STK11IP: variants seen among roughly 807,000 people sequenced by gnomAD.
STK11IP encodes the protein serine/threonine-protein kinase 11-interacting protein.
A neutral mutation model predicts 131.7 loss-of-function variants in STK11IP; 103 were observed. The ratio of observed to expected loss-of-function variants is 0.78; its 90% CI spans 0.67 to 0.92. The LOEUF (loss-of-function observed/expected upper bound fraction) is 0.92. STK11IP is among the 40% of genes least tolerant of loss of function. STK11IP has a pLI of 0.00. For synonymous variants in STK11IP, 557 were observed against 575.6 expected (o/e 0.97, Z 0.46); for missense variants, 1,315 against 1,385.7 (o/e 0.95, Z 0.81).
At chr2:219,600,597 C>T (rs1241125656) in intron 2 of STK11IP, among the ~76,000 whole-genome samples, 2 of 152,108 alleles carry the variant, frequency 1.3e-5, no homozygotes, top group South Asian at 4.1e-4. Flanking sequence ...GTGATGAATA[C>T]CAGAGTGATC....
At position 219,609,192 on chromosome 2, in the gene STK11IP, T is replaced by C. The variant is rs1259894976; in HGVS notation, c.1905T>C (p.Pro635=). Residue 635 remains proline (P), a synonymous_variant, in exon 16 of 25, where the codon CCT becomes CCC. Coordinates refer to ENST00000456909, the MANE Select transcript of STK11IP (RefSeq NM_052902.4). ...TGCGTCGCTATTTGGTGCTGGAGCC[T>C]GATGCCCACGCAGCTGTCCAGGTGA... The part of the protein sequence containing the change: ...RQLRRYLVLE[P]DAHAAVQELL... The C allele has an allele frequency of 6.2e-7, 1 of 1,606,662 alleles. No homozygotes were observed.
In STK11IP at chr2:219,597,857, A is replaced by G. The variant is rs1574607379; in HGVS notation, c.-93A>G. 1 of 1,566,542 alleles carries G rather than the reference A, an allele frequency of 6.4e-7. No individual in the cohort carries two copies. Among genetic ancestry groups the G allele is most frequent in the Non-Finnish European group, 8.7e-7 (1 of 1,150,672 alleles). ...TGGCTCGATTTTCTTCCGGGGCGGGACTTCCTTTCCATCATTGATAGGCGC... is the reference window on the plus strand; with the variant it reads ...TGGCTCGATTTTCTTCCGGGGCGGGGCTTCCTTTCCATCATTGATAGGCGC... On this transcript the variant is annotated 5_prime_UTR_variant, in exon 1 of 25. Coordinates refer to ENST00000456909, the MANE Select transcript of STK11IP (RefSeq NM_052902.4).
At position 219,612,945 on chromosome 2, in the gene STK11IP, G is replaced by T. The variant is rs2106165362; in HGVS notation, c.2440-183G>T. On this transcript the variant is annotated intron_variant, in intron 19 of 24. Transcript: ENST00000456909. Reference sequence around the variant, plus strand: ...CTGCTGAGGCTCTGAGCGGGCAGGGGCTGCAAGGCAGAGAGCGGTGGTGGA... The same window carrying T: ...CTGCTGAGGCTCTGAGCGGGCAGGGTCTGCAAGGCAGAGAGCGGTGGTGGA... The T allele has an allele frequency of 5.2e-6, 3 of 580,494 alleles. 1 individual carries two copies. Among genetic ancestry groups the T allele is most frequent in the South Asian group, 3.8e-5 (2 of 52,058 alleles). The allele number at this position is 580,494 out of a possible 1,614,324, so 36.0% of individuals were successfully genotyped here. A position where few individuals can be genotyped will look rare whatever the true frequency, so the allele number is the denominator to read the frequency against.
Position 219,607,056 on chromosome 2 carries a change from C to T in STK11IP, c.1138C>T (p.Arg380Ter), listed in dbSNP as rs748040290. ...TTCTTCCCTCCACCAACCTCAGAGC[C>T]GAGTCCGTGTGAGGCGGGCAAGCAT... ...TQPLLHKVKS[R>*]VRVRRASISE... The change falls in exon 13 of 25, where the codon CGA (arginine) becomes TGA (stop). Residue 380 changes from arginine (R) to a stop codon, truncating the protein, a stop_gained. Transcript: ENST00000456909. LOFTEE classifies it high-confidence loss of function. 4.3e-6 allele frequency: 7 copies of T among 1,613,862 alleles called. No individual in the cohort carries two copies. Among genetic ancestry groups the T allele is most frequent in the South Asian group, 1.1e-5 (1 of 91,080 alleles).
In STK11IP at chr2:219,611,835, G is replaced by A. The variant is rs775844542; in HGVS notation, c.2335+1G>A. 5 of 1,609,178 alleles carry A rather than the reference G, an allele frequency of 3.1e-6. No homozygotes were observed. Among genetic ancestry groups the A allele is most frequent in the East Asian group, 4.5e-5 (2 of 44,710 alleles). ...CATGGTAGTTGGAGCCTCAGTCCCC[G>A]TGAGTATAGGCAAAACAAGACATAG... On this transcript the variant is annotated splice_donor_variant, in intron 18 of 24. Transcript: ENST00000456909. LOFTEE classifies it high-confidence loss of function.
intron 7 of STK11IP, among the ~76,000 whole-genome samples, chr2:219,603,149 C>T (rs2106149513): frequency 6.8e-6 from 1 of 146,708 alleles, no homozygotes; most frequent in East Asian, 2.2e-4. Context: ...TCAAGCAATT[C>T]TCCTGCTTCA....
intron 24 of STK11IP, 21 bp downstream of exon 24, chr2:219,615,362 T>TGA (rs755636443): frequency 6.3e-7 from 1 of 1,584,862 alleles, no homozygotes; most frequent in South Asian, 1.1e-5. Flanking sequence ...GTATCTCCAG[T>TGA]GAGAGGGAGG....
chr2:219,606,145 G>C (rs1383094534), intron 9 of STK11IP, 50 bp from the exon 10 acceptor site: 19 of 1,543,310 alleles, frequency 1.2e-5, no homozygotes, highest in Non-Finnish European at 1.7e-5. Context: ...CTTCACACAG[G>C]GAGGGCCAGG....
In STK11IP at chr2:219,609,502, A is replaced by G. The variant is rs775596234; in HGVS notation, c.2066A>G (p.Asp689Gly). Residue 689 changes from aspartate (D) to glycine (G), a missense_variant, in exon 17 of 25, where the codon GAC becomes GGC. Transcript: ENST00000456909. Reference sequence around the variant, plus strand: ...CCAGAGGAGCCCAGGATGGGATTAGACAGTGAGGAAGGCTGGAGGCCTCTG... The same window carrying G: ...CCAGAGGAGCCCAGGATGGGATTAGGCAGTGAGGAAGGCTGGAGGCCTCTG... ...FKPEEPRMGL[D>G]SEEGWRPLFQ... 6.3e-7 allele frequency: 1 copy of G among 1,592,462 alleles called. No individual in the cohort carries two copies.
chr2:219,606,018 C>A lies in STK11IP; in HGVS notation c.808C>A (p.Arg270=). The A allele has an allele frequency of 6.2e-7, 1 of 1,608,832 alleles. No individual in the cohort carries two copies. The highest frequency in any genetic ancestry group is 8.5e-7 in the Non-Finnish European group (1 of 1,177,748). ...DLAYNLLEGH[R]ELSPLWLLAE... ...GGCATACAACCTGCTGGAAGGACAC[C>A]GGGAGCTGTCACCACTGTGGCTGCT... The change falls in exon 9 of 25, where the codon CGG becomes AGG. Residue 270 remains arginine, a synonymous_variant. Transcript: ENST00000456909.
chr2:219,615,132 T>TC lies in STK11IP; in HGVS notation c.2910dup (p.Thr971HisfsTer7). On this transcript the variant is annotated frameshift_variant, in exon 24 of 25. Coordinates refer to ENST00000456909, the MANE Select transcript of STK11IP (RefSeq NM_052902.4). LOFTEE classifies it high-confidence loss of function. ...CCTCGTATCCCTGTTGCTGACTCCG[T>TC]CCACCCTGTTCCTGTTAGATGAGGA... 6.2e-7 allele frequency: 1 copy of TC among 1,609,104 alleles called. No individual in the cohort carries two copies. Among genetic ancestry groups the TC allele is most frequent in the Non-Finnish European group, 8.5e-7 (1 of 1,178,988 alleles).
At position 219,611,587 on chromosome 2, in the gene STK11IP, G is replaced by A. The variant is rs1466756031; in HGVS notation, c.2105-17G>A. ...TGTGGGGGGGGCTCATGGGGACCGT[G>A]TCCATCCTCCCTCCAGAATCTCCTG... On this transcript the variant is annotated splice_polypyrimidine_tract_variant and intron_variant, in intron 17 of 24. Coordinates refer to ENST00000456909, the MANE Select transcript of STK11IP (RefSeq NM_052902.4). The A allele has an allele frequency of 4.4e-6, 7 of 1,600,388 alleles. No homozygotes were observed. The highest frequency in any genetic ancestry group is 6.0e-6 in the Non-Finnish European group (7 of 1,168,856).
At position 219,616,233 on chromosome 2, in the gene STK11IP, G is replaced by T; in HGVS notation, c.*40G>T. On this transcript the variant is annotated 3_prime_UTR_variant, in exon 25 of 25. Coordinates refer to ENST00000456909, the MANE Select transcript of STK11IP (RefSeq NM_052902.4). ...CCTTGGCCCTGACCTCAGGAGCCACGCTGTAGACATTCCCTCTCCTGGTCT... is the reference window on the plus strand; with the variant it reads ...CCTTGGCCCTGACCTCAGGAGCCACTCTGTAGACATTCCCTCTCCTGGTCT... 6.3e-7 allele frequency: 1 copy of T among 1,587,698 alleles called. No homozygotes were observed.
intron 19 of STK11IP, among the ~76,000 whole-genome samples, chr2:219,612,779 C>T (rs1412251844): frequency 2.0e-5 from 3 of 152,132 alleles, no homozygotes; most frequent in African/African-American, 7.2e-5. Context: ...CCTGTGTCTG[C>T]CAAGGAGTTT....
In STK11IP at chr2:219,615,994, C is replaced by G. The variant is rs762459829; in HGVS notation, c.3118-50C>G. 7 of 1,600,150 alleles carry G rather than the reference C, an allele frequency of 4.4e-6. 1 individual carries two copies. The highest frequency in any genetic ancestry group is 6.0e-6 in the Non-Finnish European group (7 of 1,172,600). ...TCGCAGAGACCTCCCTTGTACCCAC[C>G]CTGGTGTGGTCCCCATGAGCCTCGC... On this transcript the variant is annotated intron_variant, in intron 24 of 24. Transcript: ENST00000456909.
rs372428653 is a variant in STK11IP at position 219,611,975 on chromosome 2, C to T, written c.2356C>T (p.Arg786Cys). Residue 786 changes from arginine (R) to cysteine (C), a missense_variant, in exon 19 of 25, where the codon CGC becomes TGC. Coordinates refer to ENST00000456909, the MANE Select transcript of STK11IP (RefSeq NM_052902.4). Reference protein sequence around the residue: ...LSPPPERCGLRSVDHRLRLFL... With the variant: ...LSPPPERCGLCSVDHRLRLFL... The stretch of plus-strand genomic sequence containing the variant: ...CTCAGCCCCTGAGCGCTGTGGCCTC[C>T]GCTCTGTGGACCACCGACTCCGGCT... 67 of 1,600,086 alleles carry T rather than the reference C, an allele frequency of 4.2e-5. No homozygotes were observed. Among genetic ancestry groups the T allele is most frequent in the East Asian group, 2.2e-4 (10 of 44,560 alleles).
rs764779246 is a variant in STK11IP at position 219,611,669 on chromosome 2, A to G, written c.2170A>G (p.Thr724Ala). 3 of 1,612,508 alleles carry G rather than the reference A, an allele frequency of 1.9e-6. No homozygotes were observed. Among genetic ancestry groups the G allele is most frequent in the Non-Finnish European group, 1.7e-6 (2 of 1,179,700 alleles). ...HVVLLAVSRGTPNRERKQGEQ... is the reference protein window; with the variant it reads ...HVVLLAVSRGAPNRERKQGEQ... ...GGTTCTCCTCGCTGTGTCTCGGGGA[A>G]CCCCCAACAGGGAGCGGAAACAGGG... is the stretch of plus-strand genomic sequence containing the variant. Residue 724 changes from threonine (T) to alanine (A), a missense_variant, in exon 18 of 25, where the codon ACC (threonine) becomes GCC (alanine). Transcript: ENST00000456909.
intron 2 of STK11IP, among the ~76,000 whole-genome samples, chr2:219,600,115 T>A (rs185078727): frequency 7.5e-4 from 105 of 140,236 alleles, no homozygotes; most frequent in Non-Finnish European, 1.4e-3. Context: ...CAGGCTGGAG[T>A]GCAATGGCTC....
At chr2:219,604,424 C>T (rs1471762673) in intron 7 of STK11IP, among the ~76,000 whole-genome samples, 10 of 152,200 alleles carry the variant, frequency 6.6e-5, no homozygotes, top group Admixed American at 2.6e-4. Flanking sequence ...AGACACTCCT[C>T]TTTCCCCTGA....
Sources: gnomAD v4.1 joint callset for allele counts (sites outside exome capture counted in the v4.1 genomes callset) on GRCh38, gnomAD v4.1.1 for gene constraint, MANE v1.5 for transcripts, NCBI Gene and HGNC (gene_info 2026-07-23, HGNC 2026-07-21) for gene names.